PRKN: variants seen among roughly 807,000 people sequenced by gnomAD.
PRKN encodes the protein parkin RBR E3 ubiquitin protein ligase.
A neutral mutation model predicts 59.5 loss-of-function variants in PRKN; 56 were observed. The ratio of observed to expected loss-of-function variants is 0.94; its 90% CI spans 0.76 to 1.18. The LOEUF (loss-of-function observed/expected upper bound fraction) is 1.18. PRKN is among the 50% of genes most tolerant of loss of function. The pLI, the probability that PRKN is intolerant of heterozygous loss-of-function variation, is 0.00. For synonymous variants in PRKN, 250 were observed against 222.1 expected, an observed-to-expected ratio of 1.13 and a Z score of -1.12; for missense variants, 657 against 596.4, an observed-to-expected ratio of 1.10 and a Z score of -1.06.
rs573093057 is a variant in PRKN, at chr6:161,552,226, T to C, written c.934-3223A>G. 1.3e-5 allele frequency among the ~76,000 whole-genome samples: 2 copies of C among 152,290 alleles called. No individual in the cohort carries two copies. The highest frequency in any genetic ancestry group is 1.5e-5 in the Non-Finnish European group (1 of 68,034). Reference sequence around the variant, plus strand: ...AAGTTTGGTTGCAGTTTTGCCGGAATTGTAAAAGGAAGCGGGACATCTCTC... The same window carrying C: ...AAGTTTGGTTGCAGTTTTGCCGGAACTGTAAAAGGAAGCGGGACATCTCTC... On this transcript the variant is annotated intron_variant, in intron 8 of 11. Coordinates refer to ENST00000366898, the MANE Select transcript of PRKN (RefSeq NM_004562.3). The surrounding 1 kb of genome is among the most constrained non-coding windows in gnomAD (Gnocchi z 4.9).
chr6:162,153,950 G>C (rs869296), intron 4 of PRKN, among the ~76,000 whole-genome samples: 148,393 of 152,244 alleles, frequency 0.97, 72,399 homozygotes, highest in Non-Finnish European at 1. Context: ...TCAGAAAGAA[G>C]TACTCGGGAG....
At chr6:161,656,183 C>A (rs763260527) in intron 7 of PRKN, among the ~76,000 whole-genome samples, 5 of 152,204 alleles carry the variant, frequency 3.3e-5, no homozygotes, top group East Asian at 1.9e-4. Flanking sequence ...CCAAACCATT[C>A]GGTCAAGGAG....
chr6:161,727,447 CT>C (rs1787490430), intron 7 of PRKN, among the ~76,000 whole-genome samples: 1 of 152,138 alleles, frequency 6.6e-6, no homozygotes, highest in African/African-American at 2.4e-5. Context: ...GAGGGGATTG[CT>C]TTTAGATAAC....
At chr6:162,138,634 A>T (rs1781647379) in intron 4 of PRKN, among the ~76,000 whole-genome samples, 1 of 152,182 alleles carries the variant, frequency 6.6e-6, no homozygotes, top group African/African-American at 2.4e-5. Context: ...ACTATTACAA[A>T]CATGCTCCAT....
At chr6:162,676,743 A>C (rs1779561801) in intron 1 of PRKN, among the ~76,000 whole-genome samples, 1 of 152,164 alleles carries the variant, frequency 6.6e-6, no homozygotes, top group South Asian at 2.1e-4. Context: ...ACAGTGCCTA[A>C]CACACAGTAC....
intron 2 of PRKN, among the ~76,000 whole-genome samples, chr6:162,324,346 C>T (rs931558393): frequency 5.9e-5 from 9 of 151,944 alleles, no homozygotes; most frequent in African/African-American, 2.2e-4. Flanking sequence ...TGTTTACTGT[C>T]GTTACTGTGG....
intron 7 of PRKN, among the ~76,000 whole-genome samples, chr6:161,638,737 G>GTTTTTTTTTTTTT (rs1783620228): frequency 1.6e-5 from 1 of 61,566 alleles, no homozygotes; most frequent in Non-Finnish European, 3.0e-5. Context: ...CACGAGATCT[G>GTTTTTTTTTTTTT]ATTTTTTTTT....
At chr6:162,263,321 C>A (rs930870722) in intron 2 of PRKN, 3 of 188,538 alleles carry the variant, frequency 1.6e-5, no homozygotes, top group Non-Finnish European at 3.3e-5. Context: ...TACAAAAGTA[C>A]AGAAAGTGAG....
chr6:162,410,669 C>T (rs1012825964), intron 2 of PRKN, among the ~76,000 whole-genome samples: 1 of 152,218 alleles, frequency 6.6e-6, no homozygotes, highest in Admixed American at 6.5e-5. Flanking sequence ...TTACAGGCTG[C>T]TTCTCAAACC....
At chr6:162,332,257 T>C (rs1783618236) in intron 2 of PRKN, among the ~76,000 whole-genome samples, 1 of 152,200 alleles carries the variant, frequency 6.6e-6, no homozygotes, top group Non-Finnish European at 1.5e-5. Context: ...TATATATCCA[T>C]AGGGCCAAAA....
At chr6:162,296,868 T>TA (rs1781698845) in intron 2 of PRKN, among the ~76,000 whole-genome samples, 1 of 152,174 alleles carries the variant, frequency 6.6e-6, no homozygotes, top group African/African-American at 2.4e-5. Context: ...AAGCATCGTT[T>TA]CCATGCCACC....
In PRKN at chr6:161,484,014, G is replaced by C. The variant is rs140150087; in HGVS notation, c.1083+64840C>G. ...ACACATGGGGGAACAACACACACTGGGGCCTGCTGGGGGGTTGTGGGGAGG... is the reference window on the plus strand; with the variant it reads ...ACACATGGGGGAACAACACACACTGCGGCCTGCTGGGGGGTTGTGGGGAGG... On this transcript the variant is annotated intron_variant, in intron 9 of 11. Transcript: ENST00000366898. This position sits in a 1 kb window ranked among gnomAD's most constrained non-coding sequence, Gnocchi z 4.9. Among the ~76,000 whole-genome samples the C allele has an allele frequency of 2.0e-5, 3 of 152,150 alleles. No individual in the cohort carries two copies. In the East Asian group the frequency reaches 5.8e-4, roughly 29 times the overall value.
chr6:162,257,304 T>C (rs1779677016), intron 3 of PRKN, among the ~76,000 whole-genome samples: 1 of 151,570 alleles, frequency 6.6e-6, no homozygotes, highest in Admixed American at 6.6e-5. Flanking sequence ...CAGTTTTTCT[T>C]TTTTTTTTCT....
rs189832649 is a variant in PRKN at position 161,578,723 on chromosome 6, A to G, written c.872-9307T>C. On this transcript the variant is annotated intron_variant, in intron 7 of 11. Transcript: ENST00000366898. The surrounding 1 kb of genome is among the most constrained non-coding windows in gnomAD (Gnocchi z 4.2). ...CTAGATCTAATCAGCGCTGCTCTGCAATAGATTTTCTGTGGTCATTTGGGA... is the reference window on the plus strand; with the variant it reads ...CTAGATCTAATCAGCGCTGCTCTGCGATAGATTTTCTGTGGTCATTTGGGA... Among the ~76,000 whole-genome samples, 29 of 152,322 alleles carry G rather than the reference A, an allele frequency of 1.9e-4. No individual in the cohort carries two copies. In the East Asian group the frequency reaches 5.6e-3, roughly 29 times the overall value.
At position 162,054,086 on chromosome 6, in the gene PRKN, C is replaced by T. The variant is rs1222630703; in HGVS notation, c.618+5G>A. The T allele has an allele frequency of 6.3e-7, 1 of 1,581,596 alleles. No individual in the cohort carries two copies. The highest frequency in any genetic ancestry group is 8.7e-7 in the Non-Finnish European group (1 of 1,150,318). On this transcript the variant is annotated splice_donor_5th_base_variant and intron_variant, in intron 5 of 11. Transcript: ENST00000366898. ...TAAGAGGAATGAATGTGACCAGGTA[C>T]TTACTGCACTAGTCCCAGGGCAGTG...
At chr6:161,857,731 C>A (rs546802638) in intron 6 of PRKN, among the ~76,000 whole-genome samples, 106 of 152,294 alleles carry the variant, frequency 7.0e-4, no homozygotes, top group African/African-American at 2.4e-3. Context: ...ACTACCATTT[C>A]TATACGTAGC....
chr6:161,623,998 AT>A (rs949542454), intron 7 of PRKN, among the ~76,000 whole-genome samples: 1 of 152,218 alleles, frequency 6.6e-6, no homozygotes, highest in East Asian at 1.9e-4. Flanking sequence ...TTTTCTTTGA[AT>A]TACGGGAAGG....
At chr6:161,633,989 A>G (rs1332054330) in intron 7 of PRKN, among the ~76,000 whole-genome samples, 3 of 127,088 alleles carry the variant, frequency 2.4e-5, no homozygotes, top group Non-Finnish European at 4.9e-5. Flanking sequence ...AACCAAATGG[A>G]AAACTTAAAC....
Position 161,372,154 on chromosome 6 carries a change from T to TAAA in PRKN, c.1168-11950_1168-11949insTTT, listed in dbSNP as rs1009559585. Among the ~76,000 whole-genome samples, 3 of 152,230 alleles carry TAAA rather than the reference T, an allele frequency of 2.0e-5. No individual in the cohort carries two copies. Among genetic ancestry groups the TAAA allele is most frequent in the African/African-American group, 4.8e-5 (2 of 41,468 alleles). The stretch of plus-strand genomic sequence containing the variant: ...AAATATTAAGTAGCAGAATTATTAA[T>TAAA]AGGTACCATTTATTGGTTATTTTAA... On this transcript the variant is annotated intron_variant, in intron 10 of 11. Coordinates refer to ENST00000366898, the MANE Select transcript of PRKN (RefSeq NM_004562.3). This position sits in a 1 kb window ranked among gnomAD's most constrained non-coding sequence, Gnocchi z 4.2.
Sources: allele counts gnomAD v4.1 joint callset (sites outside exome capture counted in the v4.1 genomes callset), GRCh38; gene constraint gnomAD v4.1.1; non-coding constraint Gnocchi (gnomAD v3.1); transcripts MANE v1.5; gene names NCBI Gene and HGNC (gene_info 2026-07-23, HGNC 2026-07-21).